LHFPL2: variants seen among roughly 807,000 people sequenced by gnomAD.
LHFPL2 encodes LHFPL tetraspan subfamily member 2 protein.
LHFPL2 carries 7 observed loss-of-function variants against 17.5 expected under a neutral mutation model. The ratio of observed to expected loss-of-function variants is 0.40; its 90% CI spans 0.23 to 0.75. The LOEUF (loss-of-function observed/expected upper bound fraction) is 0.75, where lower values mean the gene tolerates loss of function less well. LHFPL2 is among the 30% of genes least tolerant of loss of function. The pLI is 0.37. For synonymous variants in LHFPL2, 134 were observed against 116.2 expected (o/e 1.15, Z -0.99); for missense variants, 241 against 294.8 (o/e 0.82, Z 1.34).
At chr5:78,586,603 T>C (rs951126540) in intron 2 of LHFPL2, among the ~76,000 whole-genome samples, 7 of 152,192 alleles carry the variant, frequency 4.6e-5, no homozygotes, top group Non-Finnish European at 1.0e-4. Flanking sequence ...CCACTTGGCA[T>C]GGTTTCAGTG....
intron 3 of LHFPL2, among the ~76,000 whole-genome samples, chr5:78,550,675 A>G (rs1756414281): frequency 6.6e-6 from 1 of 152,124 alleles, no homozygotes; most frequent in African/African-American, 2.4e-5. Flanking sequence ...GGTTCAAGAA[A>G]TTCTCTTGCC....
At chr5:78,494,880 CTGTGTTCCCAA>C (rs1754555895) in intron 4 of LHFPL2, among the ~76,000 whole-genome samples, 1 of 152,238 alleles carries the variant, frequency 6.6e-6, no homozygotes, top group South Asian at 2.1e-4. Context: ...AGTTTTATCA[CTGTGTTCCCAA>C]TGCAAACGTA....
chr5:78,511,628 A>G (rs7726260), intron 3 of LHFPL2, among the ~76,000 whole-genome samples: 6,396 of 152,294 alleles, frequency 0.042, 300 homozygotes, highest in East Asian at 0.25. Flanking sequence ...GAGTTATCGA[A>G]GAGGAAGAGA....
chr5:78,557,340 C>T (rs911079402), intron 3 of LHFPL2, among the ~76,000 whole-genome samples: 1 of 152,182 alleles, frequency 6.6e-6, no homozygotes, highest in African/African-American at 2.4e-5. Context: ...TGATGTGGGA[C>T]ATAATGGCCC....
chr5:78,640,833 G>A (rs1056553468), intron 1 of LHFPL2, among the ~76,000 whole-genome samples: 5 of 152,200 alleles, frequency 3.3e-5, no homozygotes, highest in African/African-American at 7.2e-5. Flanking sequence ...ACAGCAGTAA[G>A]AGGAGTAACG....
At chr5:78,622,511 G>T (rs1744890114) in intron 2 of LHFPL2, among the ~76,000 whole-genome samples, 1 of 152,148 alleles carries the variant, frequency 6.6e-6, no homozygotes, top group African/African-American at 2.4e-5. Flanking sequence ...GGAATGGGGA[G>T]CAGGGCCTGG....
intron 3 of LHFPL2, among the ~76,000 whole-genome samples, chr5:78,535,314 A>G (rs1156247999): frequency 1.3e-5 from 2 of 152,166 alleles, no homozygotes; most frequent in Non-Finnish European, 2.9e-5. Context: ...CAGGGAGGAC[A>G]GACACAGACA....
intron 4 of LHFPL2, chr5:78,490,946 T>C (rs942563798): frequency 6.6e-6 from 1 of 152,208 alleles, no homozygotes; most frequent in African/African-American, 2.4e-5. Flanking sequence ...TTACCTACCT[T>C]AACTGAAATT....
At chr5:78,637,960 C>T (rs1478041843) in intron 1 of LHFPL2, among the ~76,000 whole-genome samples, 1 of 152,198 alleles carries the variant, frequency 6.6e-6, no homozygotes, top group Non-Finnish European at 1.5e-5. Context: ...ACACTGTTCA[C>T]TCAAGTCTTG....
At chr5:78,631,763 T>G (rs1185745523) in intron 2 of LHFPL2, among the ~76,000 whole-genome samples, 1 of 152,028 alleles carries the variant, frequency 6.6e-6, no homozygotes, top group Non-Finnish European at 1.5e-5. Flanking sequence ...TGGCGAAACC[T>G]TGTCTCTACT....
chr5:78,500,548 A>G (rs948245615), intron 4 of LHFPL2, among the ~76,000 whole-genome samples: 1 of 152,188 alleles, frequency 6.6e-6, no homozygotes, highest in Non-Finnish European at 1.5e-5. Context: ...TCTGTACCCT[A>G]CAAGCCCAAA....
rs367750140 is a variant in LHFPL2, at chr5:78,592,065, G to A, written c.-244-27194C>T. 1.3e-4 allele frequency among the ~76,000 whole-genome samples: 20 copies of A among 152,278 alleles called. No individual in the cohort carries two copies. In the East Asian group the frequency reaches 3.9e-3, roughly 29 times the overall value. On this transcript the variant is annotated intron_variant, in intron 2 of 4. Transcript: ENST00000380345. ...TCCCTTCAACTCATTTTCATTTGAT[G>A]GTCTTTTCCCAGTGCTCAAGAGCAC...
In LHFPL2 at chr5:78,490,054, C is replaced by T. The variant is rs564342511; in HGVS notation, c.431-901G>A. ...CCAGATGTTTCTGTATTTATATACACATTTACAAACAAATTGCAAACTTTG... is the reference window on the plus strand; with the variant it reads ...CCAGATGTTTCTGTATTTATATACATATTTACAAACAAATTGCAAACTTTG... On this transcript the variant is annotated intron_variant, in intron 4 of 4. Coordinates refer to ENST00000380345, the MANE Select transcript of LHFPL2 (RefSeq NM_005779.3). Among the ~76,000 whole-genome samples, 8 of 152,342 alleles carry T rather than the reference C, an allele frequency of 5.3e-5. No homozygotes were observed. The East Asian group carries it at 1.5e-3, about 29-fold the overall frequency.
chr5:78,592,457 C>T (rs948048199), intron 2 of LHFPL2, among the ~76,000 whole-genome samples: 3 of 152,218 alleles, frequency 2.0e-5, no homozygotes, highest in Admixed American at 6.5e-5. Flanking sequence ...CATAAATTCT[C>T]TGCCCAGTGC....
At chr5:78,610,349 G>C (rs188809164) in intron 2 of LHFPL2, among the ~76,000 whole-genome samples, 1 of 152,344 alleles carries the variant, frequency 6.6e-6, no homozygotes, top group Non-Finnish European at 1.5e-5. Flanking sequence ...TTCACGAAAA[G>C]GTCTGGGAGA....
chr5:78,634,576 C>G (rs1745366384), intron 1 of LHFPL2, among the ~76,000 whole-genome samples: 1 of 152,226 alleles, frequency 6.6e-6, no homozygotes, highest in Admixed American at 6.5e-5. Flanking sequence ...GCTCTTCCAC[C>G]TGTCTCTCCC....
intron 2 of LHFPL2, among the ~76,000 whole-genome samples, chr5:78,576,278 G>C (rs562420770): frequency 6.7e-6 from 1 of 149,644 alleles, no homozygotes. Context: ...CTGGGCAACA[G>C]AGCGAGACTC....
rs140813961 is a variant in LHFPL2 at position 78,622,573 on chromosome 5, C to T, written c.-245+9691G>A. Among the ~76,000 whole-genome samples, 515 of 152,330 alleles carry T rather than the reference C, an allele frequency of 3.4e-3. 4 individuals are homozygous for T. Among genetic ancestry groups the T allele is most frequent in the African/African-American group, 0.012 (500 of 41,584 alleles). On this transcript the variant is annotated intron_variant, in intron 2 of 4. Transcript: ENST00000380345. ...CTGGGGCTTCCCACCACACACCACA[C>T]ATTCTGCCCAGAATTCAGTCCTTCC...
At chr5:78,603,114 G>A (rs1744081655) in intron 2 of LHFPL2, among the ~76,000 whole-genome samples, 1 of 152,048 alleles carries the variant, frequency 6.6e-6, no homozygotes, top group African/African-American at 2.4e-5. Context: ...GGATGGTCTC[G>A]ATCTGCTGAC....
Sources: allele counts gnomAD v4.1 joint callset (sites outside exome capture counted in the v4.1 genomes callset), GRCh38; gene constraint gnomAD v4.1.1; transcripts MANE v1.5; gene names NCBI Gene and HGNC (gene_info 2026-07-23, HGNC 2026-07-21).